Variants in DHCR7 observed in about 807,000 individuals in gnomAD.
The protein encoded by DHCR7 is 7-dehydrocholesterol reductase.
Under a neutral mutation model 43.3 loss-of-function variants are expected in DHCR7, and 40 were observed. That is an observed-to-expected ratio of 0.92 (90% confidence interval 0.72 to 1.20). DHCR7 has a LOEUF of 1.20. DHCR7 is among the 50% of genes most tolerant of loss of function. The pLI, the probability that DHCR7 is intolerant of heterozygous loss-of-function variation, is 0.00. For missense variants in DHCR7, 608 were observed against 644.6 expected (o/e 0.94, Z 0.62); for synonymous variants, 298 against 271.4 (o/e 1.10, Z -0.96).
Position 71,444,955 on chromosome 11 carries a change from G to C in DHCR7, c.-3C>G. ...TTGGGTTGCGATTTTGCAGCCATTGGGCCCTGCAAGAAAGAGAACCTTGCT... is the reference window on the plus strand; with the variant it reads ...TTGGGTTGCGATTTTGCAGCCATTGCGCCCTGCAAGAAAGAGAACCTTGCT... On this transcript the variant is annotated 5_prime_UTR_variant, in exon 3 of 9. Transcript: ENST00000355527. 1.9e-6 allele frequency: 3 copies of C among 1,613,742 alleles called. No homozygotes were observed. The highest frequency in any genetic ancestry group is 2.5e-6 in the Non-Finnish European group (3 of 1,179,642).
At chr11:71,429,543 T>C (rs1020857798), downstream of DHCR7, among the ~76,000 whole-genome samples, 1 of 152,192 alleles carries the variant, frequency 6.6e-6, no homozygotes, top group African/African-American at 2.4e-5. Flanking sequence ...TGCCCTCTGA[T>C]GGAACGTGGC....
chr11:71,429,272 G>A (rs1042512518), intron 2 of DHCR7, among the ~76,000 whole-genome samples: 23 of 152,190 alleles, frequency 1.5e-4, no homozygotes, highest in African/African-American at 2.7e-4. Flanking sequence ...TCCACAGGGC[G>A]GCTGAGGCCC....
At chr11:71,442,228 C>T (rs745315646) in intron 5 of DHCR7, 35 bp downstream of exon 5, 14 of 1,507,980 alleles carry the variant, frequency 9.3e-6, no homozygotes, top group East Asian at 4.5e-5. Flanking sequence ...GGGATGAGAA[C>T]GGGAGCCTGG....
chr11:71,447,551 T>C (rs969300746), intron 2 of DHCR7, 59 bp downstream of exon 2: 1 of 152,220 alleles, frequency 6.6e-6, no homozygotes, highest in Admixed American at 6.5e-5. Flanking sequence ...CTGTCTGTAC[T>C]TTCAACGCTG....
chr11:71,444,061 T>C lies in DHCR7; in HGVS notation c.253A>G (p.Ile85Val). 6.2e-7 allele frequency: 1 copy of C among 1,613,840 alleles called. No individual in the cohort carries two copies. The highest frequency in any genetic ancestry group is 8.5e-7 in the Non-Finnish European group (1 of 1,179,952). The change falls in exon 4 of 9, where the codon ATC becomes GTC. Residue 85 changes from isoleucine to valine, a missense_variant. By Grantham distance (29) the Ile-to-Val change is conservative. Transcript: ENST00000355527. The stretch of plus-strand genomic sequence containing the variant: ...GTTATAGGTGGAGTCTTGGCCCAGA[T>C]GTCCGAGAGCCGAGCATGTCCGGTG... ...IVTGHARLSD[I>V]WAKTPPITRK...
At chr11:71,429,912 G>C (rs754614844), downstream of DHCR7, among the ~76,000 whole-genome samples, 1 of 152,186 alleles carries the variant, frequency 6.6e-6, no homozygotes, top group Non-Finnish European at 1.5e-5. Context: ...GCTGGTCCAC[G>C]TCTGTGGCTC....
chr11:71,435,553 G>T lies in DHCR7; in HGVS notation c.1250C>A (p.Ala417Asp). The T allele has an allele frequency of 6.2e-7, 1 of 1,610,890 alleles. No homozygotes were observed. Reference protein sequence around the residue: ...NYVGDLMGSLAYCLACGGGHL... With the variant: ...NYVGDLMGSLDYCLACGGGHL... Reference sequence around the variant, plus strand: ...GCCGCCGCCACAGGCCAGGCAGTAGGCCAGGCTGCCCATCAGGTCGCCGAC... The same window carrying T: ...GCCGCCGCCACAGGCCAGGCAGTAGTCCAGGCTGCCCATCAGGTCGCCGAC... The change falls in exon 9 of 9, where the codon GCC (alanine) becomes GAC (aspartate). Residue 417 changes from alanine (A) to aspartate (D), a missense_variant. Physicochemically the swap from Ala to Asp is moderately radical, Grantham distance 126 (BLOSUM62 -2). Coordinates refer to ENST00000355527, the MANE Select transcript of DHCR7 (RefSeq NM_001360.3).
rs1421641442 is a variant in DHCR7 at position 71,441,254 on chromosome 11, T to C, written c.599A>G (p.Tyr200Cys). The change falls in exon 6 of 9, where the codon TAC (tyrosine) becomes TGC (cysteine). Residue 200 changes from tyrosine to cysteine, a missense_variant. Coordinates refer to ENST00000355527, the MANE Select transcript of DHCR7 (RefSeq NM_001360.3). The stretch of plus-strand genomic sequence containing the variant: ...GTCTCTGGCGCTGGTGGGGAAGAAG[T>C]AGCCCTTGACCATGGCGAAGGTGGA... ...AVSTFAMVKG[Y>C]FFPTSARDCK... 5.0e-6 allele frequency: 8 copies of C among 1,614,162 alleles called. No homozygotes were observed. In the East Asian group the frequency reaches 1.6e-4, roughly 31 times the overall value.
rs933026014 is a variant in DHCR7 at position 71,438,080 on chromosome 11, T to C, written c.832-137A>G. The C allele has an allele frequency of 2.9e-6, 3 of 1,045,622 alleles. No individual in the cohort carries two copies. In the African/African-American group the frequency reaches 4.7e-5, roughly 16 times the overall value. The allele number at this position is 1,045,622 out of a possible 1,614,324, so 64.8% of individuals were successfully genotyped here. A position where few individuals can be genotyped will look rare whatever the true frequency, so the allele number is the denominator to read the frequency against. On this transcript the variant is annotated intron_variant, in intron 7 of 8. Coordinates refer to ENST00000355527, the MANE Select transcript of DHCR7 (RefSeq NM_001360.3). ...GCAACTTCCTCAATGCTGGGGCTGTTCCTTCCCTGCGGCTGGGGCTGTTCC... is the reference window on the plus strand; with the variant it reads ...GCAACTTCCTCAATGCTGGGGCTGTCCCTTCCCTGCGGCTGGGGCTGTTCC...
Position 71,434,768 on chromosome 11 carries a change from C to T in DHCR7, c.*607G>A. On this transcript the variant is annotated 3_prime_UTR_variant, in exon 9 of 9. Transcript: ENST00000355527. ...CTCTCTGAGGTCTGCAGACTCCAGG[C>T]AGAGCACTCCTGGCAGCTGTGCAGC... The T allele has an allele frequency of 3.5e-6, 1 of 287,770 alleles. No individual in the cohort carries two copies. Among genetic ancestry groups the T allele is most frequent in the Non-Finnish European group, 6.8e-6 (1 of 146,560 alleles). The allele number at this position is 287,770 out of a possible 1,614,324, so 17.8% of individuals were successfully genotyped here. A position where few individuals can be genotyped will look rare whatever the true frequency, so the allele number is the denominator to read the frequency against.
At position 71,438,002 on chromosome 11, in the gene DHCR7, C is replaced by T. The variant is rs142698584; in HGVS notation, c.832-59G>A. 777 of 1,602,078 alleles carry T rather than the reference C, an allele frequency of 4.8e-4. 7 individuals are homozygous for T. In the African/African-American group the frequency reaches 8.5e-3, roughly 17 times the overall value. On this transcript the variant is annotated intron_variant, in intron 7 of 8. Coordinates refer to ENST00000355527, the MANE Select transcript of DHCR7 (RefSeq NM_001360.3). ...GCCCTCCTGGGGCCCCCATGGACCT[C>T]GGGGAAATCACACTCCACGCAGATG...
downstream of DHCR7, among the ~76,000 whole-genome samples, chr11:71,430,183 T>C (rs1011877629): frequency 1.3e-5 from 2 of 152,254 alleles, no homozygotes; most frequent in African/African-American, 2.4e-5. Context: ...ATGAGGCCTC[T>C]TGACCAGAAA....
At chr11:71,428,940 G>A (rs972888255) in intron 2 of DHCR7, 1 of 441,082 alleles carries the variant, frequency 2.3e-6, no homozygotes. Context: ...TAATTCAAAT[G>A]CCTCCCGCCT....
Position 71,434,762 on chromosome 11 carries a change from T to C in DHCR7, c.*613A>G, listed in dbSNP as rs548893003. The C allele has an allele frequency of 1.7e-4, 49 of 281,916 alleles. No homozygotes were observed. Among genetic ancestry groups the C allele is most frequent in the African/African-American group, 1.0e-3 (46 of 44,964 alleles). 17.5% of individuals were successfully genotyped at this position (281,916 alleles called of 1,614,324 possible). The stretch of plus-strand genomic sequence containing the variant: ...TGGGACCTCTCTGAGGTCTGCAGAC[T>C]CCAGGCAGAGCACTCCTGGCAGCTG... On this transcript the variant is annotated 3_prime_UTR_variant, in exon 9 of 9. Transcript: ENST00000355527.
At chr11:71,432,303 G>C (rs1256049296), downstream of DHCR7, among the ~76,000 whole-genome samples, 1 of 152,184 alleles carries the variant, frequency 6.6e-6, no homozygotes, top group Non-Finnish European at 1.5e-5. Context: ...CTGCAATAAA[G>C]TTTGCCAATG....
chr11:71,435,993 C>A, intron 8 of DHCR7, 154 bp from the exon 9 acceptor site: 1 of 677,662 alleles, frequency 1.5e-6, no homozygotes, highest in Non-Finnish European at 2.7e-6. Context: ...AAAGCACCAA[C>A]CTTGAGGGCT....
In DHCR7 at chr11:71,441,452, G is replaced by A. The variant is rs762754951; in HGVS notation, c.413-12C>T. On this transcript the variant is annotated splice_polypyrimidine_tract_variant and intron_variant, in intron 5 of 8. Transcript: ENST00000355527. Reference sequence around the variant, plus strand: ...CTTGTTCACAACCCCTGCAGATGAAGGATTCAGAAATGAAGGCGCTTTCCC... The same window carrying A: ...CTTGTTCACAACCCCTGCAGATGAAAGATTCAGAAATGAAGGCGCTTTCCC... The A allele has an allele frequency of 3.7e-6, 6 of 1,604,768 alleles. No individual in the cohort carries two copies. In the East Asian group the frequency reaches 1.1e-4, roughly 30 times the overall value.
At chr11:71,429,271 C>T (rs535116809) in intron 2 of DHCR7, among the ~76,000 whole-genome samples, 127 of 152,276 alleles carry the variant, frequency 8.3e-4, no homozygotes, top group Non-Finnish European at 1.6e-3. Flanking sequence ...GTCCACAGGG[C>T]GGCTGAGGCC....
intron 8 of DHCR7, among the ~76,000 whole-genome samples, chr11:71,436,299 C>T (rs192561695): frequency 8.5e-5 from 13 of 152,230 alleles, no homozygotes; most frequent in Non-Finnish European, 1.9e-4. Context: ...TGGGGGTGGG[C>T]CTCATCCAAT....
Sources: gnomAD v4.1 joint callset for allele counts (sites outside exome capture counted in the v4.1 genomes callset) on GRCh38, gnomAD v4.1.1 for gene constraint, MANE v1.5 for transcripts, NCBI Gene and HGNC (gene_info 2026-07-23, HGNC 2026-07-21) for gene names.